Variants in NCK2 observed in about 807,000 individuals in gnomAD.
The protein encoded by NCK2 is NCK adaptor protein 2, also known as cytoplasmic protein NCK2.
A neutral mutation model predicts 33.9 loss-of-function variants in NCK2; 16 were observed. The ratio of observed to expected loss-of-function variants is 0.47; its 90% CI spans 0.32 to 0.72. The LOEUF (loss-of-function observed/expected upper bound fraction) is 0.72. NCK2 is among the 30% of genes least tolerant of loss of function. The probability of loss-of-function intolerance (pLI) is 0.03; values close to 1 mark genes in which losing one functional copy is unlikely to be tolerated. For missense variants in NCK2, 418 were observed against 537.3 expected, an observed-to-expected ratio of 0.78 and a Z score of 2.19; for synonymous variants, 273 against 239.9, an observed-to-expected ratio of 1.14 and a Z score of -1.27.
Position 105,891,270 on chromosome 2 carries a change from T to C in NCK2, c.949-1712T>C, listed in dbSNP as rs143455789. Among the ~76,000 whole-genome samples, 286 of 151,568 alleles carry C rather than the reference T, an allele frequency of 1.9e-3. 2 individuals are homozygous for C. Among genetic ancestry groups the C allele is most frequent in the African/African-American group, 6.7e-3 (278 of 41,220 alleles). ...ATGCAACTCTTTTTTTTGTTTGTTT[T>C]CTTTTTTTTTTTCATAGAACTTACT... On this transcript the variant is annotated intron_variant, in intron 4 of 4. Transcript: ENST00000233154.
At chr2:105,754,199 T>G (rs997423671) in intron 1 of NCK2, among the ~76,000 whole-genome samples, 7 of 152,216 alleles carry the variant, frequency 4.6e-5, no homozygotes, top group African/African-American at 1.7e-4. Flanking sequence ...CTACCTCTCA[T>G]GTGGCCACTT....
At chr2:105,849,683 T>C (rs1302798337) in intron 2 of NCK2, among the ~76,000 whole-genome samples, 1 of 152,118 alleles carries the variant, frequency 6.6e-6, no homozygotes, top group East Asian at 1.9e-4. Context: ...GATGGGTATC[T>C]CTGAAGCAGT....
Position 105,816,175 on chromosome 2 carries a change from G to T in NCK2, c.-200-255G>T, listed in dbSNP as rs539066659. Among the ~76,000 whole-genome samples the T allele has an allele frequency of 7.2e-5, 11 of 152,324 alleles. 1 individual carries two copies. The South Asian group carries it at 2.3e-3, about 32-fold the overall frequency. ...TACATAAAATTAGCCAGGGGTGGTG[G>T]CATGCCTGTGGTCCCAGCTAATGGG... On this transcript the variant is annotated intron_variant, in intron 1 of 4. Transcript: ENST00000233154.
chr2:105,846,518 G>C (rs1352401659), intron 2 of NCK2: 1 of 151,934 alleles, frequency 6.6e-6, no homozygotes, highest in African/African-American at 2.4e-5. Context: ...GAAAACTGTA[G>C]ATGATCTTTA....
At chr2:105,880,168 G>A (rs1678413872) in intron 3 of NCK2, among the ~76,000 whole-genome samples, 1 of 152,230 alleles carries the variant, frequency 6.6e-6, no homozygotes. Flanking sequence ...TTCGATACTC[G>A]TATCTGTGAC....
intron 1 of NCK2, among the ~76,000 whole-genome samples, chr2:105,770,248 GACAGAATTCTTTTCT>G (rs1308154415): frequency 1.1e-4 from 17 of 152,146 alleles, no homozygotes; most frequent in Admixed American, 1.1e-3. Context: ...TAATATTCTG[GACAGAATTCTTTTCT>G]ACAGAATTCT....
At chr2:105,831,180 A>T (rs1676170952) in intron 2 of NCK2, among the ~76,000 whole-genome samples, 1 of 152,194 alleles carries the variant, frequency 6.6e-6, no homozygotes, top group Non-Finnish European at 1.5e-5. Flanking sequence ...GAAGAATTAT[A>T]ATATTGTTAA....
intron 2 of NCK2, among the ~76,000 whole-genome samples, chr2:105,827,889 C>T (rs1043828481): frequency 1.2e-4 from 19 of 152,182 alleles, no homozygotes; most frequent in African/African-American, 4.1e-4. Context: ...TCTTGATTGG[C>T]ATGGTGGTTA....
chr2:105,783,066 AAGAT>A (rs1464328433), intron 1 of NCK2, among the ~76,000 whole-genome samples: 1 of 152,200 alleles, frequency 6.6e-6, no homozygotes, highest in Non-Finnish European at 1.5e-5. Flanking sequence ...ACCGTGGAAC[AAGAT>A]AGATGGGGAA....
rs1274534515 is a variant in NCK2 at position 105,816,515 on chromosome 2, C to A, written c.-115C>A. 14 of 152,290 alleles carry A rather than the reference C, an allele frequency of 9.2e-5. No homozygotes were observed. Among genetic ancestry groups the A allele is most frequent in the African/African-American group, 4.8e-5 (2 of 41,558 alleles). 9.4% of individuals were successfully genotyped at this position (152,290 alleles called of 1,614,324 possible). A position where few individuals can be genotyped will look rare whatever the true frequency, so the allele number is the denominator to read the frequency against. ...AGTTGGATTTGAGGATTTGGAGAAT[C>A]CCTGCAGCTTTGTAACTTCAGAGGT... On this transcript the variant is annotated 5_prime_UTR_variant, in exon 2 of 5. Coordinates refer to ENST00000233154, the MANE Select transcript of NCK2 (RefSeq NM_003581.5).
intron 3 of NCK2, among the ~76,000 whole-genome samples, chr2:105,862,642 G>T (rs2104605834): frequency 6.6e-6 from 1 of 152,312 alleles, no homozygotes; most frequent in Non-Finnish European, 1.5e-5. Context: ...AGCAAGCCTT[G>T]AAGGGGTTCA....
At chr2:105,750,986 G>A (rs1414213932) in intron 1 of NCK2, among the ~76,000 whole-genome samples, 1 of 152,300 alleles carries the variant, frequency 6.6e-6, no homozygotes. Context: ...CACCCTGAGC[G>A]TGGCTGGAAT....
At chr2:105,834,409 T>G (rs1676312564) in intron 2 of NCK2, among the ~76,000 whole-genome samples, 2 of 152,216 alleles carry the variant, frequency 1.3e-5, no homozygotes, top group South Asian at 4.1e-4. Context: ...CCACTTTATG[T>G]TTTTTGACTT....
At chr2:105,766,726 C>T (rs921683273) in intron 1 of NCK2, among the ~76,000 whole-genome samples, 2 of 152,212 alleles carry the variant, frequency 1.3e-5, no homozygotes, top group Admixed American at 6.5e-5. Context: ...AGGTGAACAT[C>T]GAACCAGCCC....
At chr2:105,883,909 A>G (rs1678611389) in intron 4 of NCK2, among the ~76,000 whole-genome samples, 1 of 152,216 alleles carries the variant, frequency 6.6e-6, no homozygotes, top group Non-Finnish European at 1.5e-5. Flanking sequence ...TAGGGCGGAA[A>G]GAGCTTTACT....
At chr2:105,756,868 G>T (rs995862251) in intron 1 of NCK2, among the ~76,000 whole-genome samples, 1 of 152,170 alleles carries the variant, frequency 6.6e-6, no homozygotes, top group Non-Finnish European at 1.5e-5. Flanking sequence ...GCAATGGCAC[G>T]ATCTTGGCTC....
At chr2:105,772,905 T>TTTG (rs1350432685) in intron 1 of NCK2, among the ~76,000 whole-genome samples, 2 of 151,144 alleles carry the variant, frequency 1.3e-5, no homozygotes, top group African/African-American at 2.4e-5. Flanking sequence ...ATTTTTTTTT[T>TTTG]TTTTTTGAGA....
chr2:105,882,121 G>T, intron 4 of NCK2, 72 bp downstream of exon 4: 2 of 1,400,936 alleles, frequency 1.4e-6, no homozygotes, highest in Non-Finnish European at 1.9e-6. Flanking sequence ...TGTGTGCCGC[G>T]CCCTTTTCAC....
intron 1 of NCK2, among the ~76,000 whole-genome samples, chr2:105,767,181 A>G (rs909399821): frequency 2.0e-5 from 3 of 152,166 alleles, no homozygotes; most frequent in African/African-American, 7.2e-5. Context: ...ATACCATTCC[A>G]TATTCCCAGG....
Sources: allele counts gnomAD v4.1 joint callset (sites outside exome capture counted in the v4.1 genomes callset), GRCh38; gene constraint gnomAD v4.1.1; transcripts MANE v1.5; gene names NCBI Gene and HGNC (gene_info 2026-07-23, HGNC 2026-07-21).